Variants in GRID2 observed in about 807,000 individuals in gnomAD.
GRID2 encodes the protein glutamate ionotropic receptor delta type subunit 2.
GRID2 carries 33 observed loss-of-function variants against 114.8 expected under a neutral mutation model. That is an observed-to-expected ratio of 0.29 (90% CI 0.22 to 0.38). The LOEUF is 0.38. Among genes scored for constraint, GRID2 ranks in the 10% least tolerant of loss-of-function variants. The probability of loss-of-function intolerance (pLI) is 1.00; values close to 1 mark genes in which losing one functional copy is unlikely to be tolerated. For synonymous variants in GRID2, 505 were observed against 449.9 expected, an observed-to-expected ratio of 1.12 and a Z score of -1.55; for missense variants, 1,184 against 1,257.7, an observed-to-expected ratio of 0.94 and a Z score of 0.89.
chr4:92,892,756 T>G (rs1746878153), intron 2 of GRID2, among the ~76,000 whole-genome samples: 1 of 152,194 alleles, frequency 6.6e-6, no homozygotes, highest in African/African-American at 2.4e-5. Context: ...AAATCTAAAA[T>G]CATTTAATGA....
At chr4:93,351,267 G>T (rs17020484) in intron 8 of GRID2, among the ~76,000 whole-genome samples, 2,238 of 152,116 alleles carry the variant, frequency 0.015, 24 homozygotes, top group Non-Finnish European at 0.018. Flanking sequence ...TTATTTAGTT[G>T]GTAGAGAGTT....
chr4:92,629,892 T>G, intron 2 of GRID2, among the ~76,000 whole-genome samples: 1 of 147,600 alleles, frequency 6.8e-6, no homozygotes, highest in South Asian at 2.1e-4. Context: ...TTATATTATA[T>G]AATACATATT....
intron 2 of GRID2, among the ~76,000 whole-genome samples, chr4:92,985,532 C>G (rs988164823): frequency 1.3e-5 from 2 of 152,004 alleles, no homozygotes; most frequent in Non-Finnish European, 2.9e-5. Flanking sequence ...CCACCGCGTC[C>G]GGCCGGTAAA....
chr4:92,781,278 C>T (rs2149358674), intron 2 of GRID2, among the ~76,000 whole-genome samples: 1 of 151,932 alleles, frequency 6.6e-6, no homozygotes, highest in East Asian at 1.9e-4. Context: ...AACAAAACAA[C>T]AACAAAAAAA....
intron 2 of GRID2, among the ~76,000 whole-genome samples, chr4:92,762,393 T>A (rs985930783): frequency 9.9e-5 from 15 of 151,962 alleles, no homozygotes; most frequent in Non-Finnish European, 2.1e-4. Context: ...CTCCTTTAAA[T>A]GAAATAGACT....
chr4:93,264,757 G>GATATAT (rs10567648), intron 8 of GRID2, among the ~76,000 whole-genome samples: 1 of 136,872 alleles, frequency 7.3e-6, no homozygotes, highest in East Asian at 2.1e-4. Flanking sequence ...TCATTTGAAT[G>GATATAT]ATATATATAT....
chr4:93,453,574 T>C (rs1404051863), intron 10 of GRID2, among the ~76,000 whole-genome samples: 2 of 152,136 alleles, frequency 1.3e-5, no homozygotes, highest in African/African-American at 4.8e-5. Context: ...TAAAAAACTT[T>C]AGCTATTTTT....
intron 3 of GRID2, among the ~76,000 whole-genome samples, chr4:93,090,376 G>A (rs1037732188): frequency 6.6e-6 from 1 of 152,134 alleles, no homozygotes; most frequent in Non-Finnish European, 1.5e-5. Flanking sequence ...CATTAATTTA[G>A]ATACAAAAGG....
chr4:92,701,812 T>A (rs2149301810), intron 2 of GRID2, among the ~76,000 whole-genome samples: 1 of 152,310 alleles, frequency 6.6e-6, no homozygotes, highest in South Asian at 2.1e-4. Context: ...GCAATATTGT[T>A]AATCTACATG....
rs35103752 is a variant in GRID2, at chr4:92,481,981, GATATATATATATATATATATATATAT to G, written c.89-108122_89-108097del. Among the ~76,000 whole-genome samples, 95 of 47,238 alleles carry G rather than the reference GATATATATATATATATATATATATAT, an allele frequency of 2.0e-3. 3 individuals are homozygous for G. The highest frequency in any genetic ancestry group is 9.0e-3 in the East Asian group (8 of 886). 31.0% of individuals were successfully genotyped at this position (47,238 alleles called of 152,430 possible). A position where few individuals can be genotyped will look rare whatever the true frequency, so the allele number is the denominator to read the frequency against. On this transcript the variant is annotated intron_variant, in intron 1 of 15. Coordinates refer to ENST00000282020, the MANE Select transcript of GRID2 (RefSeq NM_001510.4). ...AGTGGTGGACTGGAGAATAAAATGT[GATATATATATATATATATATATATAT>G]ATATATATATATATATATATATATA...
chr4:92,873,466 T>C (rs191563278), intron 2 of GRID2, among the ~76,000 whole-genome samples: 6 of 152,268 alleles, frequency 3.9e-5, no homozygotes, highest in Non-Finnish European at 7.4e-5. Flanking sequence ...TGTTATATTA[T>C]TAAAATTGGA....
intron 14 of GRID2, among the ~76,000 whole-genome samples, chr4:93,728,335 T>A (rs1482422861): frequency 5.3e-5 from 8 of 152,194 alleles, no homozygotes; most frequent in South Asian, 2.1e-4. Context: ...GTTTGATTGC[T>A]CTGTGGTCTG....
At chr4:92,892,500 ATATAT>A (rs1299484749) in intron 2 of GRID2, among the ~76,000 whole-genome samples, 3 of 152,144 alleles carry the variant, frequency 2.0e-5, no homozygotes, top group Admixed American at 2.0e-4. Flanking sequence ...TGTTGTGGAA[ATATAT>A]TATGTAAGCT....
intron 2 of GRID2, among the ~76,000 whole-genome samples, chr4:93,037,081 T>G (rs1401937987): frequency 1.3e-5 from 2 of 152,150 alleles, no homozygotes; most frequent in Non-Finnish European, 2.9e-5. Flanking sequence ...ATAATATGGA[T>G]AGACACTCAA....
In GRID2 at chr4:92,304,248, G is replaced by T. The variant is rs1022040951; in HGVS notation, c.-409G>T. 4.1e-5 allele frequency: 9 copies of T among 220,326 alleles called. No homozygotes were observed. The highest frequency in any genetic ancestry group is 1.8e-3 in the Middle Eastern group (1 of 568). The allele number at this position is 220,326 out of a possible 1,614,324, so 13.6% of individuals were successfully genotyped here. ...GGTCCGAGAGGGTGCGGGGAAGGGG[G>T]CACATCCGGCGTGAGGGGGGTGTTG... On this transcript the variant is annotated 5_prime_UTR_variant, in exon 1 of 16. Transcript: ENST00000282020.
At chr4:93,310,400 G>A (rs916551078) in intron 8 of GRID2, among the ~76,000 whole-genome samples, 4 of 151,986 alleles carry the variant, frequency 2.6e-5, no homozygotes, top group Non-Finnish European at 4.4e-5. Flanking sequence ...GTTTGGTGGC[G>A]CACTCCTGTA....
intron 1 of GRID2, among the ~76,000 whole-genome samples, chr4:92,516,669 A>G (rs1724516675): frequency 6.6e-6 from 1 of 151,806 alleles, no homozygotes; most frequent in Admixed American, 6.6e-5. Flanking sequence ...GGCGGCAGAA[A>G]ACCATAACCT....
At chr4:92,995,790 A>G (rs900992816) in intron 2 of GRID2, among the ~76,000 whole-genome samples, 1 of 152,128 alleles carries the variant, frequency 6.6e-6, no homozygotes, top group South Asian at 2.1e-4. Flanking sequence ...TATCTTTTAG[A>G]CTTCTCAGAT....
At chr4:93,208,351 A>G (rs1235186336) in intron 5 of GRID2, among the ~76,000 whole-genome samples, 1 of 151,920 alleles carries the variant, frequency 6.6e-6, no homozygotes, top group Non-Finnish European at 1.5e-5. Context: ...GCCTCAGTTT[A>G]TTCATTTGGA....
Sources: gnomAD v4.1 joint callset for allele counts (sites outside exome capture counted in the v4.1 genomes callset) on GRCh38, gnomAD v4.1.1 for gene constraint, MANE v1.5 for transcripts, NCBI Gene and HGNC (gene_info 2026-07-23, HGNC 2026-07-21) for gene names.